PCDHB4: variants seen among roughly 807,000 people sequenced by gnomAD.
PCDHB4 encodes the protein protocadherin beta-4.
For synonymous variants in PCDHB4, 482 were observed against 447.3 expected (o/e 1.08, Z -0.98); for missense variants, 1,063 against 1,007.0 (o/e 1.06, Z -0.75).
In PCDHB4 at chr5:141,123,154, G is replaced by T. The variant is rs1349217757; in HGVS notation, c.1156G>T (p.Asp386Tyr). The T allele has an allele frequency of 1.9e-6, 3 of 1,614,000 alleles. No individual in the cohort carries two copies. Among genetic ancestry groups the T allele is most frequent in the African/African-American group, 2.7e-5 (2 of 74,888 alleles). ...ENGKMICSIP[D>Y]NLPFILKPTL... ...TGGAAAGATGATTTGCTCTATTCCA[G>T]ATAATCTACCGTTTATTCTAAAACC... The change falls in exon 1 of 1, where the codon GAT becomes TAT. Residue 386 changes from aspartate (D) to tyrosine (Y), a missense_variant. Coordinates refer to ENST00000194152, the MANE Select transcript of PCDHB4 (RefSeq NM_018938.4).
chr5:141,121,855 A>G lies in PCDHB4; in HGVS notation c.-144A>G. The G allele has an allele frequency of 4.9e-6, 3 of 608,408 alleles. No homozygotes were observed. Among genetic ancestry groups the G allele is most frequent in the Non-Finnish European group, 8.7e-6 (3 of 346,690 alleles). The allele number at this position is 608,408 out of a possible 1,614,324, so 37.7% of individuals were successfully genotyped here. A position where few individuals can be genotyped will look rare whatever the true frequency, so the allele number is the denominator to read the frequency against. On this transcript the variant is annotated 5_prime_UTR_variant, in exon 1 of 1. Transcript: ENST00000194152. ...CGTTACAAGCAGTGCAGGTTTACCAACGGCTTGGGGCAGCGATATACTAAA... is the reference window on the plus strand; with the variant it reads ...CGTTACAAGCAGTGCAGGTTTACCAGCGGCTTGGGGCAGCGATATACTAAA...
chr5:141,123,048 A>T lies in PCDHB4; in HGVS notation c.1050A>T (p.Ser350=), dbSNP rs1752325081. The T allele has an allele frequency of 6.2e-7, 1 of 1,613,542 alleles. No individual in the cohort carries two copies. The highest frequency in any genetic ancestry group is 1.3e-5 in the African/African-American group (1 of 74,788). The change falls in exon 1 of 1, where the codon TCA becomes TCT. Residue 350 remains serine, a synonymous_variant. Coordinates refer to ENST00000194152, the MANE Select transcript of PCDHB4 (RefSeq NM_018938.4). ...ATCCCCCAGAACTTATCATATCTTC[A>T]CTCACCAGCTCCATCCCAGAAAATG... ...NDNPPELIIS[S]LTSSIPENAP...
Position 141,122,336 on chromosome 5 carries a change from T to C in PCDHB4, c.338T>C (p.Val113Ala), listed in dbSNP as rs782264745. The C allele has an allele frequency of 6.2e-7, 1 of 1,614,096 alleles. No individual in the cohort carries two copies. The highest frequency in any genetic ancestry group is 8.5e-7 in the Non-Finnish European group (1 of 1,180,014). Residue 113 changes from valine to alanine, a missense_variant, in exon 1 of 1, where the codon GTG becomes GCG. Val to Ala is a moderately conservative substitution (Grantham distance 64, BLOSUM62 0). Coordinates refer to ENST00000194152, the MANE Select transcript of PCDHB4 (RefSeq NM_018938.4). ...LHFQVFLEMP[V>A]QFFQGELLIQ... The stretch of plus-strand genomic sequence containing the variant: ...TTCCAAGTGTTCCTGGAAATGCCGG[T>C]GCAATTTTTTCAAGGAGAATTATTG...
Position 141,123,199 on chromosome 5 carries a change from A to T in PCDHB4, c.1201A>T (p.Thr401Ser). 6.2e-7 allele frequency: 1 copy of T among 1,614,164 alleles called. No homozygotes were observed. The highest frequency in any genetic ancestry group is 1.3e-5 in the African/African-American group (1 of 75,040). ...ILKPTLKNFYTLVTERPLDRE... is the reference protein window; with the variant it reads ...ILKPTLKNFYSLVTERPLDRE... ...AAAACCAACTTTGAAGAATTTTTAC[A>T]CCCTGGTAACAGAGAGACCACTGGA... Residue 401 changes from threonine (T) to serine (S), a missense_variant, in exon 1 of 1, where the codon ACC becomes TCC. Transcript: ENST00000194152.
Position 141,122,770 on chromosome 5 carries a change from T to G in PCDHB4, c.772T>G (p.Ser258Ala), listed in dbSNP as rs146530843. The change falls in exon 1 of 1, where the codon TCT (serine) becomes GCT (alanine). Residue 258 changes from serine to alanine, a missense_variant. Ser to Ala is a moderately conservative substitution (Grantham distance 99). Transcript: ENST00000194152. ...VQVLENSPLD[S>A]PIVRVLARDI... ...GGTCCTGGAAAACAGCCCCCTAGAC[T>G]CTCCAATTGTTAGGGTCTTAGCTAG... The G allele has an allele frequency of 1.2e-6, 2 of 1,614,074 alleles. No individual in the cohort carries two copies. Among genetic ancestry groups the G allele is most frequent in the East Asian group, 2.2e-5 (1 of 44,856 alleles).
rs782723084 is a variant in PCDHB4, at chr5:141,123,134, A to G, written c.1136A>G (p.Lys379Arg). The G allele has an allele frequency of 1.9e-6, 3 of 1,614,014 alleles. No homozygotes were observed. Among genetic ancestry groups the G allele is most frequent in the Non-Finnish European group, 2.5e-6 (3 of 1,180,002 alleles). Residue 379 changes from lysine (K) to arginine (R), a missense_variant, in exon 1 of 1, where the codon AAG becomes AGG. Transcript: ENST00000194152. ...GATAGAGATTCCGGAGAAAATGGAA[A>G]GATGATTTGCTCTATTCCAGATAAT... ...IRDRDSGENG[K>R]MICSIPDNLP... is the part of the protein sequence containing the mutation.
Position 141,124,099 on chromosome 5 carries a change from C to G in PCDHB4, c.2101C>G (p.Leu701Val), listed in dbSNP as rs1554274710. 1 of 1,609,326 alleles carries G rather than the reference C, an allele frequency of 6.2e-7. No homozygotes were observed. The highest frequency in any genetic ancestry group is 1.1e-5 in the South Asian group (1 of 91,000). Residue 701 changes from leucine to valine, a missense_variant, in exon 1 of 1, where the codon CTC becomes GTC. Physicochemically the swap from Leu to Val is conservative, Grantham distance 32. Transcript: ENST00000194152. ...VALASVSSLFLFSVLLFVAVR... is the reference protein window; with the variant it reads ...VALASVSSLFVFSVLLFVAVR... ...GTTGGCCTCGGTGTCGTCGCTCTTC[C>G]TCTTCTCGGTGCTCCTGTTCGTGGC...
rs961967255 is a variant in PCDHB4 at position 141,121,844 on chromosome 5, C to A, written c.-155C>A. 1.4e-5 allele frequency: 8 copies of A among 586,586 alleles called. No individual in the cohort carries two copies. The Admixed American group carries it at 2.4e-4, about 17-fold the overall frequency. 36.3% of individuals were successfully genotyped at this position (586,586 alleles called of 1,614,324 possible). On this transcript the variant is annotated 5_prime_UTR_variant, in exon 1 of 1. Coordinates refer to ENST00000194152, the MANE Select transcript of PCDHB4 (RefSeq NM_018938.4). ...CACGGAAGAAGCGTTACAAGCAGTG[C>A]AGGTTTACCAACGGCTTGGGGCAGC...
chr5:141,122,890 G>A lies in PCDHB4; in HGVS notation c.892G>A (p.Gly298Arg). Reference protein sequence around the residue: ...KQTFSINEVTGEILLKKKLDF... With the variant: ...KQTFSINEVTREILLKKKLDF... ...AACTTTCTCAATAAATGAAGTCACG[G>A]GAGAAATACTGTTGAAAAAAAAATT... Residue 298 changes from glycine to arginine, a missense_variant, in exon 1 of 1, where the codon GGA (glycine) becomes AGA (arginine). Transcript: ENST00000194152. The A allele has an allele frequency of 1.2e-6, 2 of 1,611,102 alleles. No individual in the cohort carries two copies. The highest frequency in any genetic ancestry group is 1.7e-6 in the Non-Finnish European group (2 of 1,179,320).
At position 141,122,301 on chromosome 5, in the gene PCDHB4, T is replaced by C. The variant is rs781900108; in HGVS notation, c.303T>C (p.Cys101=). 3 of 1,614,080 alleles carry C rather than the reference T, an allele frequency of 1.9e-6. No individual in the cohort carries two copies. The highest frequency in any genetic ancestry group is 2.2e-5 in the South Asian group (2 of 91,076). The change falls in exon 1 of 1, where the codon TGT becomes TGC. Residue 101 remains cysteine (C), a synonymous_variant. Transcript: ENST00000194152. ...AGCTCTGTGGTCCTATTGAACCGTGTGTACTGCATTTCCAAGTGTTCCTGG... is the reference window on the plus strand; with the variant it reads ...AGCTCTGTGGTCCTATTGAACCGTGCGTACTGCATTTCCAAGTGTTCCTGG... ...REELCGPIEP[C]VLHFQVFLEM...
In PCDHB4 at chr5:141,124,214, G is replaced by A. The variant is rs1554274751; in HGVS notation, c.2216G>A (p.Ser739Asn). 1 of 1,614,022 alleles carries A rather than the reference G, an allele frequency of 6.2e-7. No homozygotes were observed. The highest frequency in any genetic ancestry group is 1.7e-5 in the Admixed American group (1 of 60,010). Residue 739 changes from serine to asparagine, a missense_variant, in exon 1 of 1, where the codon AGC (serine) becomes AAC (asparagine). By Grantham distance (46) the Ser-to-Asn change is conservative (BLOSUM62 1). Coordinates refer to ENST00000194152, the MANE Select transcript of PCDHB4 (RefSeq NM_018938.4). Reference sequence around the variant, plus strand: ...TTTCCAGGGCATCTGGTGGACGTAAGCGGCACCGGGACCCTGTCCCAGAGC... The same window carrying A: ...TTTCCAGGGCATCTGGTGGACGTAAACGGCACCGGGACCCTGTCCCAGAGC... Reference protein sequence around the residue: ...GPFPGHLVDVSGTGTLSQSYQ... With the variant: ...GPFPGHLVDVNGTGTLSQSYQ...
rs191287123 is a variant in PCDHB4 at position 141,123,300 on chromosome 5, G to C, written c.1302G>C (p.Gln434His). 3.1e-6 allele frequency: 5 copies of C among 1,614,140 alleles called. No homozygotes were observed. Among genetic ancestry groups the C allele is most frequent in the Admixed American group, 3.3e-5 (2 of 60,024 alleles). ...DLGTPRLKTQ[Q>H]NITVQVSDVN... ...GGACACCCAGGCTGAAAACCCAGCAGAACATAACCGTGCAGGTCTCCGACG... is the reference window on the plus strand; with the variant it reads ...GGACACCCAGGCTGAAAACCCAGCACAACATAACCGTGCAGGTCTCCGACG... The change falls in exon 1 of 1, where the codon CAG becomes CAC. Residue 434 changes from glutamine to histidine, a missense_variant. Transcript: ENST00000194152.
Position 141,121,911 on chromosome 5 carries a change from G to A in PCDHB4, c.-88G>A. ...TTAATATTAAAAGCAACTGTGTGAC[G>A]ATTCCTCCAAGCAAGAAATTGGAAT... On this transcript the variant is annotated 5_prime_UTR_variant, in exon 1 of 1. Coordinates refer to ENST00000194152, the MANE Select transcript of PCDHB4 (RefSeq NM_018938.4). 1 of 934,026 alleles carries A rather than the reference G, an allele frequency of 1.1e-6. No individual in the cohort carries two copies. Among genetic ancestry groups the A allele is most frequent in the East Asian group, 2.5e-5 (1 of 40,386 alleles). 57.9% of individuals were successfully genotyped at this position (934,026 alleles called of 1,614,324 possible). A position where few individuals can be genotyped will look rare whatever the true frequency, so the allele number is the denominator to read the frequency against.
Position 141,122,999 on chromosome 5 carries a change from T to C in PCDHB4, c.1001T>C (p.Ile334Thr). The change falls in exon 1 of 1, where the codon ATA becomes ACA. Residue 334 changes from isoleucine to threonine, a missense_variant. By Grantham distance (89) the Ile-to-Thr change is moderately conservative. Transcript: ENST00000194152. ...GGLSGKGTVV[I>T]EVVDVNDNPP... is the part of the protein sequence containing the mutation. The stretch of plus-strand genomic sequence containing the variant: ...CTTTCTGGAAAAGGCACTGTAGTCA[T>C]AGAGGTGGTGGATGTGAATGACAAT... 1.9e-6 allele frequency: 3 copies of C among 1,614,026 alleles called. No homozygotes were observed. Among genetic ancestry groups the C allele is most frequent in the Non-Finnish European group, 2.5e-6 (3 of 1,180,006 alleles).
Position 141,124,115 on chromosome 5 carries a change from T to G in PCDHB4, c.2117T>G (p.Leu706Arg). 2 of 1,610,630 alleles carry G rather than the reference T, an allele frequency of 1.2e-6. No individual in the cohort carries two copies. The highest frequency in any genetic ancestry group is 1.7e-6 in the Non-Finnish European group (2 of 1,179,842). Reference sequence around the variant, plus strand: ...TCGCTCTTCCTCTTCTCGGTGCTCCTGTTCGTGGCGGTGCGGCTGTGCAGG... The same window carrying G: ...TCGCTCTTCCTCTTCTCGGTGCTCCGGTTCGTGGCGGTGCGGCTGTGCAGG... ...VSSLFLFSVL[L>R]FVAVRLCRRS... Residue 706 changes from leucine to arginine, a missense_variant, in exon 1 of 1, where the codon CTG (leucine) becomes CGG (arginine). Leu to Arg is a moderately radical substitution (Grantham distance 102, BLOSUM62 -2). Coordinates refer to ENST00000194152, the MANE Select transcript of PCDHB4 (RefSeq NM_018938.4).
chr5:141,123,205 G>C lies in PCDHB4; in HGVS notation c.1207G>C (p.Val403Leu). 1 of 1,614,090 alleles carries C rather than the reference G, an allele frequency of 6.2e-7. No homozygotes were observed. Among genetic ancestry groups the C allele is most frequent in the African/African-American group, 1.3e-5 (1 of 75,006 alleles). Residue 403 changes from valine (V) to leucine (L), a missense_variant, in exon 1 of 1, where the codon GTA becomes CTA. By Grantham distance (32) the Val-to-Leu change is conservative. Transcript: ENST00000194152. ...KPTLKNFYTL[V>L]TERPLDRETS... ...AACTTTGAAGAATTTTTACACCCTG[G>C]TAACAGAGAGACCACTGGACCGAGA... is the stretch of plus-strand genomic sequence containing the variant.
In PCDHB4 at chr5:141,122,071, G is replaced by C; in HGVS notation, c.73G>C (p.Val25Leu). Residue 25 changes from valine (V) to leucine (L), a missense_variant, in exon 1 of 1, where the codon GTT (valine) becomes CTT (leucine). Physicochemically the swap from Val to Leu is conservative, Grantham distance 32 (BLOSUM62 1). Transcript: ENST00000194152. ...AFILMVFLSQVRLEPIRYSVL... is the reference protein window; with the variant it reads ...AFILMVFLSQLRLEPIRYSVL... ...TATTTTGATGGTGTTCTTGTCTCAG[G>C]TTCGCCTCGAGCCTATTCGTTATTC... The C allele has an allele frequency of 1.2e-6, 2 of 1,614,006 alleles. No individual in the cohort carries two copies. The highest frequency in any genetic ancestry group is 1.7e-6 in the Non-Finnish European group (2 of 1,180,012).
chr5:141,124,357 A>G lies in PCDHB4; in HGVS notation c.2359A>G (p.Lys787Glu), dbSNP rs1255458104. Residue 787 changes from lysine to glutamate, a missense_variant, in exon 1 of 1, where the codon AAG (lysine) becomes GAG (glutamate). Coordinates refer to ENST00000194152, the MANE Select transcript of PCDHB4 (RefSeq NM_018938.4). ...CGGGAGGGAAGTTAAGGAAAACCCC[A>G]AGTTCAGAAATAGCTTGGTATTCAG... ...DTGREVKENP[K>E]FRNSLVFS 1 of 1,611,580 alleles carries G rather than the reference A, an allele frequency of 6.2e-7. No individual in the cohort carries two copies. Among genetic ancestry groups the G allele is most frequent in the Non-Finnish European group, 8.5e-7 (1 of 1,178,938 alleles).
chr5:141,124,017 T>A lies in PCDHB4; in HGVS notation c.2019T>A (p.Pro673=). Residue 673 remains proline, a synonymous_variant, in exon 1 of 1, where the codon CCT becomes CCA. Coordinates refer to ENST00000194152, the MANE Select transcript of PCDHB4 (RefSeq NM_018938.4). ...TCTCCCAGCCCTACCTGCCTCTCCC[T>A]GAGGCGGCCCCGGCCCAGGCCCAGG... ...DGFSQPYLPL[P]EAAPAQAQAD... is the part of the protein sequence containing the mutation. 6.2e-7 allele frequency: 1 copy of A among 1,605,682 alleles called. No homozygotes were observed. The highest frequency in any genetic ancestry group is 8.5e-7 in the Non-Finnish European group (1 of 1,179,698).
Sources: gnomAD v4.1 joint callset for allele counts on GRCh38, gnomAD v4.1.1 for gene constraint, MANE v1.5 for transcripts, NCBI Gene and HGNC (gene_info 2026-07-23, HGNC 2026-07-21) for gene names.